Variants in FGD1 observed in about 807,000 individuals in gnomAD.
FGD1 encodes the protein FYVE, RhoGEF and PH domain containing 1.
Under a neutral mutation model 65.0 loss-of-function variants are expected in FGD1, and 12 were observed. The observed-to-expected ratio is 0.18, with a 90% CI of 0.12 to 0.30. The LOEUF is 0.30. Ranked by LOEUF, FGD1 falls within the 10% of genes least tolerant of loss-of-function variation. FGD1 has a pLI of 1.00. For synonymous variants in FGD1, 333 were observed against 343.9 expected (o/e 0.97, Z 0.35); for missense variants, 542 against 837.6 (o/e 0.65, Z 4.36).
chrX:54,494,285 C>T (rs1156927873), intron 1 of FGD1, among the ~76,000 whole-genome samples: 1 of 110,749 alleles, frequency 9.0e-6, no homozygotes, highest in African/African-American at 3.3e-5. Context: ...TCTAGCCTGA[C>T]TCCCAAGGCC....
chrX:54,483,352 G>T (rs1314733353), intron 1 of FGD1, among the ~76,000 whole-genome samples: 1 of 112,475 alleles, frequency 8.9e-6, no homozygotes, highest in Non-Finnish European at 1.9e-5. Context: ...AGGGGGAGCA[G>T]GGAAGGCAAA....
chrX:54,463,613 T>C (rs986074368), intron 8 of FGD1, among the ~76,000 whole-genome samples: 1 of 111,606 alleles, frequency 9.0e-6, no homozygotes, highest in African/African-American at 3.3e-5. Flanking sequence ...TGGCCTTCAG[T>C]CTTTGCTCCT....
Position 54,465,566 on chromosome X carries a change from C to G in FGD1, c.1521G>C (p.Leu507=), listed in dbSNP as rs1601953572. ...GCTCCAGCATGTGGTGCTGCAATGT[C>G]AGGTTGCCACAGGCTTCCTCCTTCT... ...EVQKEEACGN[L]TLQHHMLEPV... The change falls in exon 8 of 18, where the codon CTG becomes CTC. Residue 507 remains leucine, a synonymous_variant. Transcript: ENST00000375135. The G allele has an allele frequency of 1.7e-6, 2 of 1,208,168 alleles. No individual in the cohort carries two copies.
At chrX:54,446,513 C>T in intron 17 of FGD1, 99 bp from the exon 18 acceptor site, 2 of 820,303 alleles carry the variant, frequency 2.4e-6, no homozygotes, top group Non-Finnish European at 3.5e-6. Flanking sequence ...CTTCAGTCCC[C>T]TACTCAGGAA....
At chrX:54,490,845 C>T (rs1349165337) in intron 1 of FGD1, among the ~76,000 whole-genome samples, 3 of 110,910 alleles carry the variant, frequency 2.7e-5, no homozygotes, top group African/African-American at 9.8e-5. Flanking sequence ...CAAGGCCTGT[C>T]CATGCTAGCA....
intron 1 of FGD1, among the ~76,000 whole-genome samples, chrX:54,485,941 A>C (rs770082234): frequency 7.6e-5 from 8 of 105,272 alleles, no homozygotes; most frequent in African/African-American, 2.4e-4. Context: ...CGCCTGGCTA[A>C]TTTTTGTATT....
At chrX:54,455,581 A>T in intron 11 of FGD1, 54 bp from the exon 12 acceptor site, 1 of 1,093,764 alleles carries the variant, frequency 9.1e-7, no homozygotes, top group Admixed American at 2.2e-5. Flanking sequence ...ACAGGGCCCT[A>T]GCCCTCTGCA....
In FGD1 at chrX:54,495,136, C is replaced by A; in HGVS notation, c.297G>T (p.Gln99His). 8.5e-7 allele frequency: 1 copy of A among 1,182,546 alleles called. No homozygotes were observed. The highest frequency in any genetic ancestry group is 1.1e-6 in the Non-Finnish European group (1 of 881,964). Residue 99 changes from glutamine to histidine, a missense_variant, in exon 1 of 18, where the codon CAG becomes CAT. Coordinates refer to ENST00000375135, the MANE Select transcript of FGD1 (RefSeq NM_004463.3). ...CAGTCGCTCACTCACCAGGCCGAGGCTGCGAGCCCTCCAGGTGGTAAGAGA... is the reference window on the plus strand; with the variant it reads ...CAGTCGCTCACTCACCAGGCCGAGGATGCGAGCCCTCCAGGTGGTAAGAGA... ...LRFSYHLEGSQPRPGLHQGNR... is the reference protein window; with the variant it reads ...LRFSYHLEGSHPRPGLHQGNR...
chrX:54,478,846 A>T (rs1447016478), intron 1 of FGD1, among the ~76,000 whole-genome samples: 1 of 111,308 alleles, frequency 9.0e-6, no homozygotes, highest in Non-Finnish European at 1.9e-5. Context: ...AAAACTGTAT[A>T]TACACTGAGA....
chrX:54,478,097 G>A (rs1923060601), intron 1 of FGD1, among the ~76,000 whole-genome samples: 3 of 111,176 alleles, frequency 2.7e-5, no homozygotes, highest in Admixed American at 1.9e-4. Context: ...CAGCCTGGGC[G>A]ACAGAGTGAT....
chrX:54,487,077 C>T lies in FGD1; in HGVS notation c.307+8049G>A, dbSNP rs572729195. On this transcript the variant is annotated intron_variant, in intron 1 of 17. Coordinates refer to ENST00000375135, the MANE Select transcript of FGD1 (RefSeq NM_004463.3). ...CTGGAGTGCAGTGGTGCAATTTTGG[C>T]TCACTGCAACCTCTGCCTCCCGGGG... Among the ~76,000 whole-genome samples the T allele has an allele frequency of 5.9e-4, 64 of 108,162 alleles. No homozygotes were observed. In the South Asian group the frequency reaches 0.027, roughly 46 times the overall value. The allele number at this position is 108,162 out of a possible 115,157, so 93.9% of individuals were successfully genotyped here. A position where few individuals can be genotyped will look rare whatever the true frequency, so the allele number is the denominator to read the frequency against.
chrX:54,492,943 A>G (rs1035264446), intron 1 of FGD1, among the ~76,000 whole-genome samples: 2 of 108,442 alleles, frequency 1.8e-5, no homozygotes, highest in Non-Finnish European at 3.8e-5. Flanking sequence ...GACACCCACT[A>G]TGCAATTACA....
At chrX:54,460,115 C>A (rs1922593496) in intron 8 of FGD1, among the ~76,000 whole-genome samples, 2 of 100,091 alleles carry the variant, frequency 2.0e-5, no homozygotes, top group African/African-American at 7.6e-5. Context: ...AAAAAAAATA[C>A]AAAAATAAAT....
rs913891414 is a variant in FGD1, at chrX:54,495,173, C to T, written c.260G>A (p.Arg87Gln). Reference protein sequence around the residue: ...LPCGPSPQHHRALRFSYHLEG... With the variant: ...LPCGPSPQHHQALRFSYHLEG... ...CAGGTGGTAAGAGAAGCGCAGGGCC[C>T]GGTGGTGCTGTGGACTGGGACCGCA... is the stretch of plus-strand genomic sequence containing the variant. The change falls in exon 1 of 18, where the codon CGG (arginine) becomes CAG (glutamine). Residue 87 changes from arginine (R) to glutamine (Q), a missense_variant. Physicochemically the swap from Arg to Gln is conservative, Grantham distance 43. Coordinates refer to ENST00000375135, the MANE Select transcript of FGD1 (RefSeq NM_004463.3). 8.4e-7 allele frequency: 1 copy of T among 1,188,379 alleles called. No individual in the cohort carries two copies. The highest frequency in any genetic ancestry group is 1.1e-6 in the Non-Finnish European group (1 of 884,578).
chrX:54,460,139 A>C (rs1156233248), intron 8 of FGD1, among the ~76,000 whole-genome samples: 2 of 98,474 alleles, frequency 2.0e-5, no homozygotes, highest in Non-Finnish European at 3.9e-5. Flanking sequence ...TAAATAAATA[A>C]AAATAATAAA....
rs1230271815 is a variant in FGD1, at chrX:54,447,324, T to G, written c.2567A>C (p.Tyr856Ser). The G allele has an allele frequency of 8.3e-7, 1 of 1,210,581 alleles. No homozygotes were observed. Among genetic ancestry groups the G allele is most frequent in the Admixed American group, 2.2e-5 (1 of 45,830 alleles). ...PENEPLVLYI[Y>S]GAPQDVKAQR... ...TAGGATGCATACCTGAGGGGCTCCG[T>G]AGATATACAGCACCAAGGGTTCATT... The change falls in exon 17 of 18, where the codon TAC (tyrosine) becomes TCC (serine). Residue 856 changes from tyrosine to serine, a missense_variant. Around this residue, in one of 6 missense-constraint regions of FGD1, gnomAD observed 182 missense variants for 311.4 expected, o/e 0.58. Transcript: ENST00000375135.
At chrX:54,447,498 G>A in intron 16 of FGD1, 44 bp from the exon 17 acceptor site, 2 of 1,180,897 alleles carry the variant, frequency 1.7e-6, no homozygotes, top group Non-Finnish European at 2.3e-6. Context: ...AGAAGGCCTA[G>A]CCTGGCTCCT....
At chrX:54,470,789 G>C in intron 2 of FGD1, 29 bp from the exon 3 acceptor site, 1 of 842,482 alleles carries the variant, frequency 1.2e-6, no homozygotes, top group Non-Finnish European at 1.7e-6. Context: ...AAGAGAGAAG[G>C]GAGACATCAG....
chrX:54,489,119 T>A (rs967928100), intron 1 of FGD1, among the ~76,000 whole-genome samples: 5 of 112,088 alleles, frequency 4.5e-5, no homozygotes, highest in African/African-American at 1.3e-4. Flanking sequence ...ACCTACAGAA[T>A]GGGAGAAAAT....
Sources: gnomAD v4.1 joint callset for allele counts (sites outside exome capture counted in the v4.1 genomes callset) on GRCh38, gnomAD v4.1.1 for gene constraint, gnomAD v4.1.1 regional missense constraint, MANE v1.5 for transcripts, NCBI Gene and HGNC (gene_info 2026-07-23, HGNC 2026-07-21) for gene names.